The following ADCY2 variants were observed in gnomAD, a reference collection of about 807,000 sequenced individuals.
The protein encoded by ADCY2 is adenylate cyclase type 2.
A neutral mutation model predicts 125.2 loss-of-function variants in ADCY2; 31 were observed. That is an observed-to-expected ratio of 0.25 (90% CI 0.19 to 0.33). The LOEUF is 0.33. Ranked by LOEUF, ADCY2 falls within the 10% of genes least tolerant of loss-of-function variation. ADCY2 has a pLI of 1.00. For synonymous variants in ADCY2, 512 were observed against 548.4 expected, an observed-to-expected ratio of 0.93 and a Z score of 0.93; for missense variants, 904 against 1,418.2, an observed-to-expected ratio of 0.64 and a Z score of 5.82.
intron 1 of ADCY2, among the ~76,000 whole-genome samples, chr5:7,397,382 T>C (rs1739090431): frequency 6.6e-6 from 1 of 151,854 alleles, no homozygotes; most frequent in South Asian, 2.1e-4. Context: ...TGGTTCAAAC[T>C]TTTGCACTGC....
rs114412964 is a variant in ADCY2, at chr5:7,448,545, G to A, written c.408+33775G>A. On this transcript the variant is annotated intron_variant, in intron 2 of 24. Transcript: ENST00000338316. ...GTGCAGGTTTGTTACACAGGTGAGC[G>A]TGTGCCATGGCAGTTTGCTGCACAG... Among the ~76,000 whole-genome samples the A allele has an allele frequency of 1.9e-3, 286 of 152,062 alleles. 1 individual carries two copies. The highest frequency in any genetic ancestry group is 6.5e-3 in the African/African-American group (268 of 41,466).
chr5:7,409,326 C>A (rs1739624584), intron 1 of ADCY2, among the ~76,000 whole-genome samples: 1 of 152,142 alleles, frequency 6.6e-6, no homozygotes, highest in South Asian at 2.1e-4. Context: ...GTACAACAAA[C>A]CCCCAGGATT....
chr5:7,609,186 A>G (rs1737487920), intron 3 of ADCY2, among the ~76,000 whole-genome samples: 1 of 152,212 alleles, frequency 6.6e-6, no homozygotes, highest in Non-Finnish European at 1.5e-5. Flanking sequence ...GCATGGATTT[A>G]CTGAAGGGAT....
chr5:7,483,648 G>A (rs942068388), intron 2 of ADCY2, among the ~76,000 whole-genome samples: 2 of 152,150 alleles, frequency 1.3e-5, no homozygotes, highest in African/African-American at 4.8e-5. Flanking sequence ...GGAGTGCCGG[G>A]TGGAAGGTGC....
intron 7 of ADCY2, among the ~76,000 whole-genome samples, chr5:7,705,165 A>G (rs1741227907): frequency 6.6e-6 from 1 of 152,214 alleles, no homozygotes; most frequent in Non-Finnish European, 1.5e-5. Context: ...TGAATTTTTC[A>G]GAATCATCAT....
intron 2 of ADCY2, among the ~76,000 whole-genome samples, chr5:7,506,860 T>A (rs1188626479): frequency 7.6e-6 from 1 of 131,468 alleles, no homozygotes; most frequent in Non-Finnish European, 1.6e-5. Flanking sequence ...CAATCTCGGC[T>A]CACTGCAAGC....
intron 3 of ADCY2, among the ~76,000 whole-genome samples, chr5:7,569,228 G>T (rs751446845): frequency 4.0e-4 from 61 of 152,208 alleles, no homozygotes; most frequent in Non-Finnish European, 7.4e-4. Context: ...GGTGGGGATG[G>T]TTCCAAAGCA....
intron 18 of ADCY2, among the ~76,000 whole-genome samples, chr5:7,776,813 C>T (rs1424871371): frequency 2.0e-5 from 3 of 152,150 alleles, no homozygotes; most frequent in Admixed American, 6.5e-5. Context: ...CTGGATGCTT[C>T]GTGCCCTTGA....
At chr5:7,774,860 G>A (rs764990617) in intron 18 of ADCY2, among the ~76,000 whole-genome samples, 8 of 152,102 alleles carry the variant, frequency 5.3e-5, no homozygotes, top group Non-Finnish European at 1.0e-4. Flanking sequence ...AAAAAATTTT[G>A]TGGATACATA....
At chr5:7,706,571 T>G (rs1741273102) in intron 7 of ADCY2, among the ~76,000 whole-genome samples, 173 bp from the exon 8 acceptor site, 1 of 152,234 alleles carries the variant, frequency 6.6e-6, no homozygotes, top group African/African-American at 2.4e-5. Context: ...CTGGAGTGAC[T>G]GGAAGGAAAA....
intron 16 of ADCY2, among the ~76,000 whole-genome samples, chr5:7,762,006 A>G (rs1560960898): frequency 6.6e-6 from 1 of 152,224 alleles, no homozygotes; most frequent in Non-Finnish European, 1.5e-5. Flanking sequence ...ACACTTTTTA[A>G]TACTTTTAAT....
At chr5:7,523,332 A>AT (rs1484190470) in intron 3 of ADCY2, among the ~76,000 whole-genome samples, 1 of 149,956 alleles carries the variant, frequency 6.7e-6, no homozygotes, top group East Asian at 1.9e-4. Context: ...AAAAAAAAAA[A>AT]GTGGGAAAGA....
rs1433712892 is a variant in ADCY2, at chr5:7,464,257, C to G, written c.408+49487C>G. 2.0e-5 allele frequency among the ~76,000 whole-genome samples: 3 copies of G among 152,136 alleles called. No homozygotes were observed. The East Asian group carries it at 5.8e-4, about 29-fold the overall frequency. ...CTCTCTCTCTCGGAGCTCTGCGCTG[C>G]TGTGTAAGTTGTCTGACTACACTGA... On this transcript the variant is annotated intron_variant, in intron 2 of 24. Transcript: ENST00000338316.
rs921963697 is a variant in ADCY2, at chr5:7,574,223, G to A, written c.571-51944G>A. 1.5e-4 allele frequency among the ~76,000 whole-genome samples: 21 copies of A among 141,286 alleles called. 1 individual carries two copies. Among genetic ancestry groups the A allele is most frequent in the Admixed American group, 2.9e-4 (4 of 14,030 alleles). 92.7% of individuals were successfully genotyped at this position (141,286 alleles called of 152,430 possible). A position where few individuals can be genotyped will look rare whatever the true frequency, so the allele number is the denominator to read the frequency against. ...GTGAATAATGCCGCAGTAAACATAC[G>A]TGTGCATGTGTCTTTATAGCAGCAT... On this transcript the variant is annotated intron_variant, in intron 3 of 24. Coordinates refer to ENST00000338316, the MANE Select transcript of ADCY2 (RefSeq NM_020546.3).
intron 12 of ADCY2, among the ~76,000 whole-genome samples, chr5:7,722,007 T>G (rs552438679): frequency 3.8e-4 from 58 of 152,274 alleles, no homozygotes; most frequent in African/African-American, 1.3e-3. Flanking sequence ...TGATTAAGTG[T>G]GTAGGAAGAA....
chr5:7,688,432 T>C (rs1472478361), intron 4 of ADCY2, among the ~76,000 whole-genome samples: 1 of 116,630 alleles, frequency 8.6e-6, no homozygotes, highest in East Asian at 6.8e-4. Context: ...CATGCCCAGC[T>C]AATTTTTTTT....
intron 2 of ADCY2, among the ~76,000 whole-genome samples, chr5:7,504,375 ATCTGCCTT>A (rs1376014340): frequency 1.1e-4 from 16 of 152,252 alleles, no homozygotes; most frequent in African/African-American, 3.9e-4. Flanking sequence ...CTATTTCAAC[ATCTGCCTT>A]TTAAAAGGGA....
At chr5:7,456,731 A>G (rs1741685102) in intron 2 of ADCY2, among the ~76,000 whole-genome samples, 1 of 152,160 alleles carries the variant, frequency 6.6e-6, no homozygotes, top group Non-Finnish European at 1.5e-5. Context: ...CTGTAGGAGG[A>G]ATAATCTATT....
chr5:7,411,751 G>T (rs999556673), intron 1 of ADCY2, among the ~76,000 whole-genome samples: 4 of 152,132 alleles, frequency 2.6e-5, no homozygotes, highest in Middle Eastern at 3.2e-3. Flanking sequence ...AAGACACTGG[G>T]TCTCTGTCTT....
Sources: gnomAD v4.1 joint callset for allele counts (sites outside exome capture counted in the v4.1 genomes callset) on GRCh38, gnomAD v4.1.1 for gene constraint, MANE v1.5 for transcripts, NCBI Gene and HGNC (gene_info 2026-07-23, HGNC 2026-07-21) for gene names.